The following FMNL3 variants were observed in gnomAD, a reference collection of about 807,000 sequenced individuals.
FMNL3 encodes formin like 3.
In FMNL3, 57 loss-of-function variants were observed where a neutral mutation model predicts 119.6. The observed-to-expected ratio is 0.48, with a 90% CI of 0.39 to 0.59. FMNL3 has a LOEUF of 0.59. FMNL3 is among the 20% of genes least tolerant of loss of function. FMNL3 has a pLI of 0.00. For synonymous variants in FMNL3, 491 were observed against 507.3 expected (o/e 0.97, Z 0.43); for missense variants, 1,053 against 1,323.5 (o/e 0.80, Z 3.17).
chr12:49,693,654 T>TTTTG (rs2139016278), intron 1 of FMNL3, among the ~76,000 whole-genome samples: 1 of 133,850 alleles, frequency 7.5e-6, no homozygotes, highest in Non-Finnish European at 1.6e-5. Flanking sequence ...TTTTTTTTTT[T>TTTTG]TTTTTTTTTT....
At position 49,645,784 on chromosome 12, in the gene FMNL3, G is replaced by T; in HGVS notation, c.*31C>A. ...ACTGGTTGGACTTGTAGGACTCTGA[G>T]GGGTGAAGTGCTTCTGCCTCCGAGA... On this transcript the variant is annotated 3_prime_UTR_variant, in exon 26 of 26. Transcript: ENST00000335154. The T allele has an allele frequency of 6.3e-7, 1 of 1,578,168 alleles. No homozygotes were observed. The highest frequency in any genetic ancestry group is 8.6e-7 in the Non-Finnish European group (1 of 1,160,342).
chr12:49,656,720 T>C, intron 8 of FMNL3, 103 bp downstream of exon 8: 2 of 1,185,124 alleles, frequency 1.7e-6, no homozygotes, highest in Admixed American at 1.8e-5. Context: ...CCAAGGCTCT[T>C]GACAGGACTC....
chr12:49,640,475 C>T lies in FMNL3; in HGVS notation c.*5340G>A, dbSNP rs1490632842. 1.3e-5 allele frequency: 2 copies of T among 152,202 alleles called. No homozygotes were observed. The highest frequency in any genetic ancestry group is 2.4e-5 in the African/African-American group (1 of 41,412). 9.4% of individuals were successfully genotyped at this position (152,202 alleles called of 1,614,324 possible). A position where few individuals can be genotyped will look rare whatever the true frequency, so the allele number is the denominator to read the frequency against. On this transcript the variant is annotated 3_prime_UTR_variant, in exon 26 of 26. Transcript: ENST00000335154. Reference sequence around the variant, plus strand: ...AGTAAGTGGTAGAGGCACTGAGGACCAGATGAGTGAGGACAAAGAAGGCGG... The same window carrying T: ...AGTAAGTGGTAGAGGCACTGAGGACTAGATGAGTGAGGACAAAGAAGGCGG...
intron 1 of FMNL3, among the ~76,000 whole-genome samples, chr12:49,697,448 C>A (rs900144323): frequency 6.6e-6 from 1 of 152,098 alleles, no homozygotes; most frequent in Non-Finnish European, 1.5e-5. Flanking sequence ...AGTAGGGGTG[C>A]CAATCACATT....
chr12:49,651,801 G>A, intron 14 of FMNL3, 132 bp downstream of exon 14: 1 of 1,424,568 alleles, frequency 7.0e-7, no homozygotes, highest in Non-Finnish European at 9.3e-7. Flanking sequence ...CCCTCACCCT[G>A]ATTTTATATC....
Position 49,650,886 on chromosome 12 carries a change from G to A in FMNL3, c.1798-8C>T. On this transcript the variant is annotated splice_polypyrimidine_tract_variant and splice_region_variant and intron_variant, in intron 16 of 25. Transcript: ENST00000335154. ...CTTATCAAGATCCAGGTCCTGGCAG[G>A]AATAGGTGAGCAAGGAAAACGCTGT... 1.2e-6 allele frequency: 2 copies of A among 1,614,034 alleles called. No homozygotes were observed. The highest frequency in any genetic ancestry group is 2.7e-5 in the African/African-American group (2 of 75,052).
chr12:49,644,397 G>A lies in FMNL3; in HGVS notation c.*1418C>T. The stretch of plus-strand genomic sequence containing the variant: ...TACTCCCTGGACTAGTGCAGTCCTT[G>A]CCCTCAGCCCCAGACCAGAGATGGG... On this transcript the variant is annotated 3_prime_UTR_variant, in exon 26 of 26. Transcript: ENST00000335154. 5.0e-6 allele frequency: 3 copies of A among 601,748 alleles called. No homozygotes were observed. In the East Asian group the frequency reaches 8.7e-5, roughly 17 times the overall value. 37.3% of individuals were successfully genotyped at this position (601,748 alleles called of 1,614,324 possible).
At chr12:49,674,104 C>T (rs1176235304) in intron 1 of FMNL3, among the ~76,000 whole-genome samples, 1 of 152,170 alleles carries the variant, frequency 6.6e-6, no homozygotes, top group Non-Finnish European at 1.5e-5. Flanking sequence ...AGCCTGGCTT[C>T]GCTGCCAACC....
chr12:49,659,703 T>G, intron 5 of FMNL3: 2 of 943,446 alleles, frequency 2.1e-6, no homozygotes, highest in Non-Finnish European at 2.5e-6. Context: ...TGTGAGCCAC[T>G]GCACCCAGCG....
chr12:49,657,943 G>C (rs1413491878), intron 6 of FMNL3, among the ~76,000 whole-genome samples: 1 of 152,162 alleles, frequency 6.6e-6, no homozygotes, highest in Admixed American at 6.5e-5. Flanking sequence ...AGACAAATGA[G>C]CATGTGGCAG....
At chr12:49,704,448 T>G (rs1168499495) in intron 1 of FMNL3, among the ~76,000 whole-genome samples, 2 of 152,162 alleles carry the variant, frequency 1.3e-5, no homozygotes, top group Non-Finnish European at 2.9e-5. Context: ...CAGTGGCTCA[T>G]GCCTGTAATC....
chr12:49,697,376 A>G (rs915145026), intron 1 of FMNL3, among the ~76,000 whole-genome samples: 3 of 152,200 alleles, frequency 2.0e-5, no homozygotes, highest in African/African-American at 7.2e-5. Flanking sequence ...ACTGCTCTTG[A>G]AGCTTCATCC....
chr12:49,704,252 A>C (rs1430608576), intron 1 of FMNL3, among the ~76,000 whole-genome samples: 1 of 152,174 alleles, frequency 6.6e-6, no homozygotes, highest in East Asian at 1.9e-4. Context: ...ATCCACTCTG[A>C]CTTCAAAGTC....
chr12:49,671,808 G>A (rs1488904937), intron 1 of FMNL3, among the ~76,000 whole-genome samples: 6 of 152,194 alleles, frequency 3.9e-5, no homozygotes, highest in African/African-American at 1.4e-4. Context: ...GGCAGAAGCT[G>A]AGCTAAGTTC....
Position 49,644,914 on chromosome 12 carries a change from G to A in FMNL3, c.*901C>T, listed in dbSNP as rs115158864. ...CACCCTAGCCCCCTAAGCTCAGAAA[G>A]AGGAGACAAAGTCAGGCCTGGTGCA... On this transcript the variant is annotated 3_prime_UTR_variant, in exon 26 of 26. Coordinates refer to ENST00000335154, the MANE Select transcript of FMNL3 (RefSeq NM_175736.5). The A allele has an allele frequency of 6.6e-6, 1 of 152,286 alleles. No homozygotes were observed. The highest frequency in any genetic ancestry group is 6.5e-5 in the Admixed American group (1 of 15,284). 9.4% of individuals were successfully genotyped at this position (152,286 alleles called of 1,614,324 possible).
chr12:49,649,005 C>G lies in FMNL3; in HGVS notation c.2515+24G>C. The G allele has an allele frequency of 3.8e-6, 6 of 1,566,472 alleles. No homozygotes were observed. The Middle Eastern group carries it at 6.9e-4, about 180-fold the overall frequency. Reference sequence around the variant, plus strand: ...GTCCTGGGCTGGATGTGAGGGCAGGCCCACCCAGCCAGGCTCTCCTCACCT... The same window carrying G: ...GTCCTGGGCTGGATGTGAGGGCAGGGCCACCCAGCCAGGCTCTCCTCACCT... On this transcript the variant is annotated intron_variant, in intron 21 of 25. Transcript: ENST00000335154. The surrounding 1 kb of genome is among the most constrained non-coding windows in gnomAD (Gnocchi z 5.6).
At position 49,643,725 on chromosome 12, in the gene FMNL3, G is replaced by T. The variant is rs372342314; in HGVS notation, c.*2090C>A. On this transcript the variant is annotated 3_prime_UTR_variant, in exon 26 of 26. Coordinates refer to ENST00000335154, the MANE Select transcript of FMNL3 (RefSeq NM_175736.5). Reference sequence around the variant, plus strand: ...TTCGGAAAGCCAAGAAACCAAAAAAGAAAACTAAGAAGAGAAGACACAAGT... The same window carrying T: ...TTCGGAAAGCCAAGAAACCAAAAAATAAAACTAAGAAGAGAAGACACAAGT... The T allele has an allele frequency of 1.9e-6, 3 of 1,614,106 alleles. No homozygotes were observed. Among genetic ancestry groups the T allele is most frequent in the Admixed American group, 1.7e-5 (1 of 60,000 alleles).
chr12:49,705,338 T>C (rs182101050), intron 1 of FMNL3, among the ~76,000 whole-genome samples: 1 of 152,292 alleles, frequency 6.6e-6, no homozygotes, highest in Non-Finnish European at 1.5e-5. Context: ...GGACATCACG[T>C]GCATTTTGTG....
chr12:49,668,758 A>C (rs2138867098), intron 1 of FMNL3, among the ~76,000 whole-genome samples: 1 of 152,356 alleles, frequency 6.6e-6, no homozygotes, highest in South Asian at 2.1e-4. Flanking sequence ...AACCACTGGT[A>C]GTAGAATCAA....
Sources: allele counts gnomAD v4.1 joint callset (sites outside exome capture counted in the v4.1 genomes callset), GRCh38; gene constraint gnomAD v4.1.1; non-coding constraint Gnocchi (gnomAD v3.1); transcripts MANE v1.5; gene names NCBI Gene and HGNC (gene_info 2026-07-23, HGNC 2026-07-21).